Variants in NRXN1 observed in about 807,000 individuals in gnomAD.
NRXN1 encodes the protein neurexin 1, also known as neurexin-1.
Under a neutral mutation model 150.9 loss-of-function variants are expected in NRXN1, and 39 were observed. The ratio of observed to expected loss-of-function variants is 0.26; its 90% CI spans 0.20 to 0.34. NRXN1 has a LOEUF of 0.34. Among genes scored for constraint, NRXN1 ranks in the 10% least tolerant of loss-of-function variants. The pLI, the probability that NRXN1 is intolerant of heterozygous loss-of-function variation, is 1.00. For synonymous variants in NRXN1, 924 were observed against 757.0 expected, an observed-to-expected ratio of 1.22 and a Z score of -3.62; for missense variants, 1,815 against 1,949.9, an observed-to-expected ratio of 0.93 and a Z score of 1.30.
intron 2 of NRXN1, among the ~76,000 whole-genome samples, chr2:51,006,167 G>A (rs1418766819): frequency 1.3e-5 from 2 of 151,674 alleles, no homozygotes; most frequent in African/African-American, 2.4e-5. Flanking sequence ...TGGGTCCGCA[G>A]CTATTTATTT....
chr2:50,452,522 T>C (rs1319154713), intron 17 of NRXN1, among the ~76,000 whole-genome samples: 4 of 152,168 alleles, frequency 2.6e-5, no homozygotes, highest in African/African-American at 9.7e-5. Flanking sequence ...AATCTTTGCA[T>C]GTAAATCCTA....
chr2:50,760,333 G>A (rs1701663173), intron 5 of NRXN1, among the ~76,000 whole-genome samples: 1 of 151,872 alleles, frequency 6.6e-6, no homozygotes, highest in East Asian at 1.9e-4. Context: ...AAAGGCGTTA[G>A]TCACACACAA....
chr2:50,119,274 AAAG>A, intron 18 of NRXN1, among the ~76,000 whole-genome samples: 1 of 152,274 alleles, frequency 6.6e-6, no homozygotes, highest in Non-Finnish European at 1.5e-5. Flanking sequence ...AATTTTAAGA[AAAG>A]AATGTAAACA....
intron 17 of NRXN1, among the ~76,000 whole-genome samples, chr2:50,440,371 T>C (rs2085840237): frequency 6.6e-6 from 1 of 152,102 alleles, no homozygotes; most frequent in Admixed American, 6.6e-5. Context: ...CTGACGGATC[T>C]AGTTTCTGAA....
chr2:50,148,635 CCT>C (rs764461615), intron 18 of NRXN1, among the ~76,000 whole-genome samples: 8 of 151,708 alleles, frequency 5.3e-5, no homozygotes, highest in African/African-American at 9.7e-5. Context: ...TTGGCATATT[CCT>C]CTCTTTCTCT....
intron 17 of NRXN1, among the ~76,000 whole-genome samples, chr2:50,403,303 T>C (rs1043381166): frequency 5.3e-5 from 8 of 152,124 alleles, no homozygotes; most frequent in Non-Finnish European, 1.0e-4. Flanking sequence ...TGAGTCTCCA[T>C]CCTGTTGCTA....
chr2:49,989,125 T>C (rs1444843395), intron 21 of NRXN1, among the ~76,000 whole-genome samples: 2 of 152,184 alleles, frequency 1.3e-5, no homozygotes, highest in Non-Finnish European at 1.5e-5. Context: ...TAGCCCTTAA[T>C]TGCATGATGA....
chr2:50,527,825 A>G (rs2092996938), intron 12 of NRXN1, among the ~76,000 whole-genome samples: 1 of 152,176 alleles, frequency 6.6e-6, no homozygotes, highest in African/African-American at 2.4e-5. Context: ...AATTTGTTAG[A>G]ACCATTTTAT....
At chr2:50,368,003 G>A (rs963018240) in intron 17 of NRXN1, among the ~76,000 whole-genome samples, 1 of 151,984 alleles carries the variant, frequency 6.6e-6, no homozygotes, top group Non-Finnish European at 1.5e-5. Context: ...CAAGCAACAA[G>A]TTCTTGATTT....
chr2:50,475,311 T>G (rs1488462789), intron 15 of NRXN1, among the ~76,000 whole-genome samples: 1 of 152,054 alleles, frequency 6.6e-6, no homozygotes, highest in Non-Finnish European at 1.5e-5. Flanking sequence ...TTTCCCAGAG[T>G]GCCCGGTACT....
chr2:50,916,044 C>G (rs1685170872), intron 5 of NRXN1, among the ~76,000 whole-genome samples: 1 of 144,754 alleles, frequency 6.9e-6, no homozygotes, highest in South Asian at 2.3e-4. Context: ...GAGACACCGG[C>G]ATTCTAGATA....
chr2:51,004,344 ATTTCT>A (rs1700438916), intron 2 of NRXN1, among the ~76,000 whole-genome samples: 2 of 152,064 alleles, frequency 1.3e-5, no homozygotes, highest in Non-Finnish European at 2.9e-5. Flanking sequence ...AGTAAGTGCC[ATTTCT>A]GTTTTTGGTT....
chr2:50,806,808 A>G (rs929565845), intron 5 of NRXN1, among the ~76,000 whole-genome samples: 1 of 152,110 alleles, frequency 6.6e-6, no homozygotes, highest in Non-Finnish European at 1.5e-5. Context: ...TTCTAACTAT[A>G]CTCAGAAATA....
intron 5 of NRXN1, among the ~76,000 whole-genome samples, chr2:50,800,960 C>T (rs914426274): frequency 5.3e-5 from 8 of 152,120 alleles, no homozygotes; most frequent in East Asian, 1.9e-4. Flanking sequence ...CTTTATTTTA[C>T]GTCACTTTCT....
intron 17 of NRXN1, among the ~76,000 whole-genome samples, chr2:50,273,148 G>A (rs142493565): frequency 2.0e-4 from 30 of 152,282 alleles, no homozygotes; most frequent in Middle Eastern, 3.4e-3. Context: ...GACAGAGAGC[G>A]TTGGGCAACT....
At chr2:50,336,386 G>A (rs186735916) in intron 17 of NRXN1, among the ~76,000 whole-genome samples, 94 of 152,276 alleles carry the variant, frequency 6.2e-4, no homozygotes, top group African/African-American at 2.2e-3. Flanking sequence ...ACAATACCAT[G>A]CATCTAGAAA....
At chr2:50,719,744 A>G (rs1488840669) in intron 5 of NRXN1, among the ~76,000 whole-genome samples, 3 of 152,306 alleles carry the variant, frequency 2.0e-5, no homozygotes, top group Non-Finnish European at 4.4e-5. Flanking sequence ...CTTGATTGGG[A>G]TTATTAGCAT....
intron 12 of NRXN1, among the ~76,000 whole-genome samples, chr2:50,510,093 G>GA (rs373043684): frequency 1.3e-4 from 20 of 151,160 alleles, no homozygotes; most frequent in East Asian, 3.9e-4. Context: ...AAACTGAGGT[G>GA]AAAAAAAAAT....
chr2:50,757,003 G>A (rs1425180921), intron 5 of NRXN1, among the ~76,000 whole-genome samples: 2 of 151,828 alleles, frequency 1.3e-5, no homozygotes, highest in Non-Finnish European at 2.9e-5. Context: ...AAGAAGCATG[G>A]TATACTAATG....
Sources: gnomAD v4.1 joint callset for allele counts (sites outside exome capture counted in the v4.1 genomes callset) on GRCh38, gnomAD v4.1.1 for gene constraint, MANE v1.5 for transcripts, NCBI Gene and HGNC (gene_info 2026-07-23, HGNC 2026-07-21) for gene names.